PCED1B: variants seen among roughly 807,000 people sequenced by gnomAD.
PCED1B encodes the protein PC-esterase domain-containing protein 1B.
For missense variants in PCED1B, 573 were observed against 573.9 expected, an observed-to-expected ratio of 1.00 and a Z score of 0.02; for synonymous variants, 251 against 246.1, an observed-to-expected ratio of 1.02 and a Z score of -0.19.
chr12:47,228,946 ATTAAT>A (rs1943716050), intron 3 of PCED1B, among the ~76,000 whole-genome samples: 1 of 151,526 alleles, frequency 6.6e-6, no homozygotes, highest in African/African-American at 2.4e-5. Flanking sequence ...TTCAATAAAC[ATTAAT>A]TTTGTTTTAG....
At chr12:47,130,770 T>G (rs560551976) in intron 2 of PCED1B, among the ~76,000 whole-genome samples, 4 of 152,308 alleles carry the variant, frequency 2.6e-5, no homozygotes, top group Admixed American at 1.3e-4. Context: ...AAGAAGTGTG[T>G]GGTCAGTAGG....
chr12:47,193,327 A>T (rs1308813097), intron 2 of PCED1B, among the ~76,000 whole-genome samples: 1 of 152,128 alleles, frequency 6.6e-6, no homozygotes, highest in African/African-American at 2.4e-5. Flanking sequence ...ATCACTGTCC[A>T]CTCAGAGTTG....
At position 47,089,462 on chromosome 12, in the gene PCED1B, A is replaced by ATG. The variant is rs1491315323; in HGVS notation, c.-609+9738_-609+9739insGT. ...ACTCCATCTCAAAAAAAAAAAATAC[A>ATG]TATATATATATATATATATATATAT... On this transcript the variant is annotated intron_variant, in intron 1 of 3. Transcript: ENST00000546455. Among the ~76,000 whole-genome samples, 222 of 26,236 alleles carry ATG rather than the reference A, an allele frequency of 8.5e-3. 11 individuals carry two copies. The highest frequency in any genetic ancestry group is 0.013 in the Non-Finnish European group (163 of 12,698). 17.2% of individuals were successfully genotyped at this position (26,236 alleles called of 152,430 possible). A position where few individuals can be genotyped will look rare whatever the true frequency, so the allele number is the denominator to read the frequency against.
At chr12:47,234,980 C>G in intron 3 of PCED1B, 27 bp from the exon 4 acceptor site, 1 of 1,346,176 alleles carries the variant, frequency 7.4e-7, no homozygotes, top group Non-Finnish European at 1.0e-6. Context: ...GTGAGTCCCT[C>G]CCAGCCCTTC....
rs144160424 is a variant in PCED1B at position 47,203,934 on chromosome 12, C to T, written c.-525-12288C>T. 2.8e-3 allele frequency among the ~76,000 whole-genome samples: 429 copies of T among 152,242 alleles called. 2 individuals carry two copies. The highest frequency in any genetic ancestry group is 9.1e-3 in the African/African-American group (380 of 41,544). ...AAATGGTTGAACTAATTTATATGCCCACCAACAGTGTAAAAGCATTCTTTT... is the reference window on the plus strand; with the variant it reads ...AAATGGTTGAACTAATTTATATGCCTACCAACAGTGTAAAAGCATTCTTTT... On this transcript the variant is annotated intron_variant, in intron 2 of 3. Coordinates refer to ENST00000546455, the MANE Select transcript of PCED1B (RefSeq NM_138371.3).
At chr12:47,080,458 C>A (rs1420753789) in intron 1 of PCED1B, among the ~76,000 whole-genome samples, 1 of 152,090 alleles carries the variant, frequency 6.6e-6, no homozygotes, top group African/African-American at 2.4e-5. Context: ...CAAAATAAAC[C>A]CAGAAGCAGC....
intron 1 of PCED1B, among the ~76,000 whole-genome samples, chr12:47,098,160 TCCCCA>T (rs1192860454): frequency 1.3e-5 from 2 of 152,216 alleles, no homozygotes; most frequent in Non-Finnish European, 2.9e-5. Context: ...AGTGGCCCTA[TCCCCA>T]CTCCATGTCT....
At chr12:47,200,426 C>G (rs1354284174) in intron 2 of PCED1B, among the ~76,000 whole-genome samples, 1 of 152,138 alleles carries the variant, frequency 6.6e-6, no homozygotes, top group Admixed American at 6.5e-5. Flanking sequence ...GTTAGAAAAT[C>G]AGAACACTGA....
intron 2 of PCED1B, among the ~76,000 whole-genome samples, chr12:47,143,835 T>C (rs931365933): frequency 6.6e-6 from 1 of 151,952 alleles, no homozygotes; most frequent in African/African-American, 2.4e-5. Flanking sequence ...GTAATCAAAA[T>C]AGTATGGTAC....
chr12:47,191,381 C>CT (rs1254517210), intron 2 of PCED1B, among the ~76,000 whole-genome samples: 1 of 152,178 alleles, frequency 6.6e-6, no homozygotes, highest in Non-Finnish European at 1.5e-5. Flanking sequence ...TTTAAAATCT[C>CT]TAAGTTTCTT....
At chr12:47,080,319 G>C (rs1461172507) in intron 1 of PCED1B, among the ~76,000 whole-genome samples, 1 of 152,178 alleles carries the variant, frequency 6.6e-6, no homozygotes, top group South Asian at 2.1e-4. Context: ...CCCACTTCGC[G>C]GCGGCCGCAC....
intron 2 of PCED1B, among the ~76,000 whole-genome samples, chr12:47,118,335 A>C (rs1262689781): frequency 6.6e-6 from 1 of 152,198 alleles, no homozygotes; most frequent in African/African-American, 2.4e-5. Flanking sequence ...TCTAACATGT[A>C]AGTCTTTAAT....
rs533217965 is a variant in PCED1B, at chr12:47,233,920, C to T, written c.-57-1087C>T. 1.9e-4 allele frequency among the ~76,000 whole-genome samples: 29 copies of T among 152,012 alleles called. 1 individual carries two copies. In the South Asian group the frequency reaches 5.8e-3, roughly 31 times the overall value. ...AGTTTTATCTTGATTTTTTTCAGTC[C>T]TATTGATGAGAAACAGCTACTTCCT... On this transcript the variant is annotated intron_variant, in intron 3 of 3. Transcript: ENST00000546455.
intron 2 of PCED1B, among the ~76,000 whole-genome samples, chr12:47,176,067 A>G (rs1193487940): frequency 6.6e-6 from 1 of 151,768 alleles, no homozygotes; most frequent in East Asian, 1.9e-4. Context: ...ATGATTCTTT[A>G]AATAATATTA....
intron 3 of PCED1B, among the ~76,000 whole-genome samples, chr12:47,230,291 T>TG (rs1943765511): frequency 6.8e-6 from 1 of 146,726 alleles, no homozygotes; most frequent in Admixed American, 6.8e-5. Flanking sequence ...TCACAATGTT[T>TG]GCCAGGATGG....
At chr12:47,136,509 T>A (rs145970645) in intron 2 of PCED1B, among the ~76,000 whole-genome samples, 161 of 152,264 alleles carry the variant, frequency 1.1e-3, no homozygotes, top group Middle Eastern at 3.4e-3. Context: ...TTGAGTGATC[T>A]TAGCTGGGAA....
chr12:47,212,100 T>C (rs1368525193), intron 2 of PCED1B, among the ~76,000 whole-genome samples: 3 of 134,952 alleles, frequency 2.2e-5, no homozygotes, highest in Non-Finnish European at 4.8e-5. Context: ...AAAAACCCAA[T>C]CTCTACCAAA....
At chr12:47,224,634 G>A (rs995827232) in intron 3 of PCED1B, among the ~76,000 whole-genome samples, 5 of 152,172 alleles carry the variant, frequency 3.3e-5, no homozygotes, top group Non-Finnish European at 7.4e-5. Context: ...CGCTTATCTC[G>A]CATGATTTTA....
intron 1 of PCED1B, among the ~76,000 whole-genome samples, chr12:47,083,873 T>C (rs542461649): frequency 1.3e-5 from 2 of 152,342 alleles, no homozygotes; most frequent in African/African-American, 4.8e-5. Flanking sequence ...CTCATCTGGT[T>C]GGTCTGTCTC....
Sources: gnomAD v4.1 joint callset for allele counts (sites outside exome capture counted in the v4.1 genomes callset) on GRCh38, gnomAD v4.1.1 for gene constraint, MANE v1.5 for transcripts, NCBI Gene and HGNC (gene_info 2026-07-23, HGNC 2026-07-21) for gene names.